The following SYNE1 variants were observed in gnomAD, a reference collection of about 807,000 sequenced individuals.
The protein encoded by SYNE1 is spectrin repeat containing nuclear envelope protein 1, also known as nesprin-1.
SYNE1 carries 616 observed loss-of-function variants against 1,111.0 expected under a neutral mutation model. The observed-to-expected ratio is 0.55, with a 90% confidence interval of 0.52 to 0.59. The LOEUF (loss-of-function observed/expected upper bound fraction) is 0.59, where lower values mean the gene tolerates loss of function less well. Ranked by LOEUF, SYNE1 falls within the 20% of genes least tolerant of loss-of-function variation. SYNE1 has a pLI of 0.00. For synonymous variants in SYNE1, 3,855 were observed against 3,825.8 expected (o/e 1.01, Z -0.28); for missense variants, 10,006 against 10,417.0 (o/e 0.96, Z 1.72).
intron 131 of SYNE1, among the ~76,000 whole-genome samples, chr6:152,162,654 A>AAATTG: frequency 6.6e-6 from 1 of 152,300 alleles, no homozygotes; most frequent in African/African-American, 2.4e-5. Context: ...AATTTCATAA[A>AAATTG]AATTGAAAAA....
In SYNE1 at chr6:152,278,115, G is replaced by A. The variant is rs1432528162; in HGVS notation, c.18547C>T (p.Leu6183=). 1 of 1,613,972 alleles carries A rather than the reference G, an allele frequency of 6.2e-7. No individual in the cohort carries two copies. Among genetic ancestry groups the A allele is most frequent in the Non-Finnish European group, 8.5e-7 (1 of 1,180,010 alleles). Residue 6183 remains leucine (L), a synonymous_variant, in exon 98 of 146, where the codon CTG becomes TTG. Transcript: ENST00000367255. The part of the protein sequence containing the change: ...KGSLLELQRA[L]HDKQLNMQGT... ...TGCATGTTGAGCTGCTTATCATGCA[G>A]GGCTCTCTGCAGCTCCAGCAGGCTC...
At chr6:152,568,775 G>A (rs973997302) in intron 3 of SYNE1, among the ~76,000 whole-genome samples, 1 of 152,092 alleles carries the variant, frequency 6.6e-6, no homozygotes, top group Non-Finnish European at 1.5e-5. Context: ...ACCTGGCTTA[G>A]AATTTTAAAT....
chr6:152,350,628 C>A lies in SYNE1; in HGVS notation c.11723G>T (p.Ser3908Ile). Reference sequence around the variant, plus strand: ...TTCATCTCTCCTTACCTTTCCTATGCTGCACAGGTCCTGGTAATCACTTTG... The same window carrying A: ...TTCATCTCTCCTTACCTTTCCTATGATGCACAGGTCCTGGTAATCACTTTG... ...QLQSDYQDLC[S>I]IGKEHVFSLE... Residue 3908 changes from serine to isoleucine, a missense_variant, in exon 71 of 146, where the codon AGC becomes ATC. Physicochemically the swap from Ser to Ile is moderately radical, Grantham distance 142. This residue lies in a region of SYNE1 where 4,955 missense variants were observed against 5,017.2 expected (regional missense o/e 0.99). Coordinates refer to ENST00000367255, the MANE Select transcript of SYNE1 (RefSeq NM_182961.4). 3 of 1,614,154 alleles carry A rather than the reference C, an allele frequency of 1.9e-6. No homozygotes were observed. Among genetic ancestry groups the A allele is most frequent in the Non-Finnish European group, 2.5e-6 (3 of 1,180,026 alleles).
Position 152,321,899 on chromosome 6 carries a change from T to C in SYNE1, c.15918-13A>G. 1 of 1,614,038 alleles carries C rather than the reference T, an allele frequency of 6.2e-7. No individual in the cohort carries two copies. Among genetic ancestry groups the C allele is most frequent in the South Asian group, 1.1e-5 (1 of 91,078 alleles). ...TTTCTCCTGCATGCTTCAGAAACAT[T>C]ACAGGGATAAAACAGAAGTGAAGTG... On this transcript the variant is annotated splice_polypyrimidine_tract_variant and intron_variant, in intron 82 of 145. Transcript: ENST00000367255.
chr6:152,450,504 A>T (rs1204075327), intron 27 of SYNE1, 121 bp downstream of exon 27: 14 of 1,008,868 alleles, frequency 1.4e-5, no homozygotes, highest in Non-Finnish European at 1.9e-5. Context: ...TAAATGAAGG[A>T]TTTTTGTACG....
intron 131 of SYNE1, among the ~76,000 whole-genome samples, chr6:152,156,440 C>T (rs963690994): frequency 2.0e-5 from 3 of 152,188 alleles, no homozygotes; most frequent in African/African-American, 7.2e-5. Flanking sequence ...ATCAATCAAT[C>T]ATCATCTCTT....
chr6:152,223,285 T>C (rs2153473687), intron 117 of SYNE1, among the ~76,000 whole-genome samples: 1 of 152,186 alleles, frequency 6.6e-6, no homozygotes, highest in African/African-American at 2.4e-5. Context: ...TATAGACAAA[T>C]TTGTCCTTCC....
Position 152,391,582 on chromosome 6 carries a change from A to G in SYNE1, c.7713-14T>C, listed in dbSNP as rs1454203697. ...TCAAGAGACTCTCTGAAAAAAAGGA[A>G]AAAAAAAAAAAAGAAAAAAAATTAA... On this transcript the variant is annotated splice_polypyrimidine_tract_variant and intron_variant, in intron 51 of 145. Coordinates refer to ENST00000367255, the MANE Select transcript of SYNE1 (RefSeq NM_182961.4). The G allele has an allele frequency of 7.3e-7, 1 of 1,377,008 alleles. No individual in the cohort carries two copies. Among genetic ancestry groups the G allele is most frequent in the Non-Finnish European group, 9.8e-7 (1 of 1,025,540 alleles). The allele number at this position is 1,377,008 out of a possible 1,614,324, so 85.3% of individuals were successfully genotyped here.
At chr6:152,224,706 T>C in intron 116 of SYNE1, 42 bp from the exon 117 acceptor site, 4 of 1,562,886 alleles carry the variant, frequency 2.6e-6, no homozygotes, top group Non-Finnish European at 3.5e-6. Context: ...TCATAATATC[T>C]AGAATGATGG....
At chr6:152,255,864 A>G (rs770538841) in intron 102 of SYNE1, 118 bp from the exon 103 acceptor site, 1 of 1,167,674 alleles carries the variant, frequency 8.6e-7, no homozygotes, top group African/African-American at 1.5e-5. Context: ...TTGGTAGCCC[A>G]AAGCAGACAG....
intron 19 of SYNE1, 122 bp from the exon 20 acceptor site, chr6:152,463,012 G>T: frequency 8.3e-7 from 1 of 1,206,644 alleles, no homozygotes; most frequent in Admixed American, 1.9e-5. Flanking sequence ...TCTAATCTTT[G>T]ATTCTCATTT....
At chr6:152,531,315 C>G (rs1056857788) in intron 4 of SYNE1, among the ~76,000 whole-genome samples, 1 of 151,934 alleles carries the variant, frequency 6.6e-6, no homozygotes, top group African/African-American at 2.4e-5. Flanking sequence ...AAAGTTACGG[C>G]CAGAGTAAAT....
intron 3 of SYNE1, among the ~76,000 whole-genome samples, chr6:152,582,100 C>T (rs940437838): frequency 1.8e-4 from 27 of 152,070 alleles, no homozygotes; most frequent in African/African-American, 6.0e-4. Flanking sequence ...TCTGCCAAAT[C>T]GTATCCCCCT....
intron 3 of SYNE1, among the ~76,000 whole-genome samples, chr6:152,597,405 T>A (rs1054748220): frequency 6.6e-6 from 1 of 152,158 alleles, no homozygotes; most frequent in East Asian, 1.9e-4. Flanking sequence ...CTCAGCCTCC[T>A]GAGTAGCTGG....
chr6:152,425,256 T>C lies in SYNE1; in HGVS notation c.5267+125A>G. The C allele has an allele frequency of 5.9e-6, 6 of 1,013,956 alleles. No homozygotes were observed. In the South Asian group the frequency reaches 9.5e-5, roughly 16 times the overall value. 62.8% of individuals were successfully genotyped at this position (1,013,956 alleles called of 1,614,324 possible). On this transcript the variant is annotated intron_variant, in intron 39 of 145. Transcript: ENST00000367255. ...TTTTCAAAATAAAAGTTTTCTTCCCTTCTGTAGTTATCAGGTGAGTAGTTG... is the reference window on the plus strand; with the variant it reads ...TTTTCAAAATAAAAGTTTTCTTCCCCTCTGTAGTTATCAGGTGAGTAGTTG...
intron 3 of SYNE1, among the ~76,000 whole-genome samples, chr6:152,626,517 G>A (rs2099686054): frequency 6.6e-6 from 1 of 152,120 alleles, no homozygotes; most frequent in South Asian, 2.1e-4. Context: ...CTACCCAGGT[G>A]AAGATGTACA....
At position 152,636,758 on chromosome 6, in the gene SYNE1, G is replaced by A. The variant is rs1202659483; in HGVS notation, c.-344C>T. ...GGATGCGCGGCTGTCCGCCCGCCCT[G>A]TCGCCGGGATCGGGCGCGGTCTGCA... On this transcript the variant is annotated 5_prime_UTR_variant, in exon 2 of 146. Transcript: ENST00000367255. 3 of 152,252 alleles carry A rather than the reference G, an allele frequency of 2.0e-5. No individual in the cohort carries two copies. Among genetic ancestry groups the A allele is most frequent in the Admixed American group, 2.0e-4 (3 of 15,288 alleles). 9.4% of individuals were successfully genotyped at this position (152,252 alleles called of 1,614,324 possible).
intron 11 of SYNE1, among the ~76,000 whole-genome samples, chr6:152,495,002 G>A (rs537913723): frequency 6.6e-6 from 1 of 152,236 alleles, no homozygotes; most frequent in South Asian, 2.1e-4. Context: ...CTTTGACCAA[G>A]GAAAATTCCT....
In SYNE1 at chr6:152,201,842, T is replaced by C. The variant is rs1444991077; in HGVS notation, c.23127A>G (p.Ala7709=). 13 of 1,613,964 alleles carry C rather than the reference T, an allele frequency of 8.1e-6. No homozygotes were observed. The highest frequency in any genetic ancestry group is 1.1e-5 in the Non-Finnish European group (13 of 1,179,844). Residue 7709 remains alanine, a synonymous_variant, in exon 127 of 146, where the codon GCA becomes GCG. Transcript: ENST00000367255. ...AATTTACCTTGCAACGCATTTGTTCTGCATGGAGCTCTTCATGGTGATCCG... is the reference window on the plus strand; with the variant it reads ...AATTTACCTTGCAACGCATTTGTTCCGCATGGAGCTCTTCATGGTGATCCG... The part of the protein sequence containing the change: ...SLPDHHEELH[A]EQMRCKELEN...
Sources: gnomAD v4.1 joint callset for allele counts (sites outside exome capture counted in the v4.1 genomes callset) on GRCh38, gnomAD v4.1.1 for gene constraint, gnomAD v4.1.1 regional missense constraint, MANE v1.5 for transcripts, NCBI Gene and HGNC (gene_info 2026-07-23, HGNC 2026-07-21) for gene names.